Variants in NMNAT1 observed in about 807,000 individuals in gnomAD.
The protein encoded by NMNAT1 is nicotinamide nucleotide adenylyltransferase 1, also known as nicotinamide/nicotinic acid mononucleotide adenylyltransferase 1.
A neutral mutation model predicts 16.7 loss-of-function variants in NMNAT1; 11 were observed. The ratio of observed to expected loss-of-function variants is 0.66; its 90% CI spans 0.41 to 1.09. NMNAT1 has a LOEUF of 1.09. Among genes scored for constraint, NMNAT1 ranks in the 50% least tolerant of loss-of-function variants. The pLI is 0.00. For missense variants in NMNAT1, 280 were observed against 332.3 expected (o/e 0.84, Z 1.22); for synonymous variants, 110 against 119.8 (o/e 0.92, Z 0.53).
chr1:9,945,589 A>G (rs746683539), intron 1 of NMNAT1, among the ~76,000 whole-genome samples: 2 of 152,078 alleles, frequency 1.3e-5, no homozygotes, highest in Non-Finnish European at 2.9e-5. Context: ...AGTTCCAGCT[A>G]CTCGGGAGGC....
chr1:9,985,966 C>G (rs915388981), downstream of NMNAT1, among the ~76,000 whole-genome samples: 8 of 152,140 alleles, frequency 5.3e-5, no homozygotes, highest in African/African-American at 1.9e-4. Flanking sequence ...GGTTTTTGAC[C>G]TGTCATAGTG....
chr1:9,981,140 C>G lies in NMNAT1; in HGVS notation c.409C>G (p.Gln137Glu). 1 of 1,612,900 alleles carries G rather than the reference C, an allele frequency of 6.2e-7. No individual in the cohort carries two copies. The highest frequency in any genetic ancestry group is 8.5e-7 in the Non-Finnish European group (1 of 1,179,666). Reference protein sequence around the residue: ...RKWTETQDSSQKKSLEPKTKA... With the variant: ...RKWTETQDSSEKKSLEPKTKA... ...GTGGACTGAAACACAAGATTCTAGTCAAAAGAAATCCCTAGAGCCAAAAAC... is the reference window on the plus strand; with the variant it reads ...GTGGACTGAAACACAAGATTCTAGTGAAAAGAAATCCCTAGAGCCAAAAAC... Residue 137 changes from glutamine (Q) to glutamate (E), a missense_variant, in exon 4 of 5, where the codon CAA becomes GAA. By Grantham distance (29) the Gln-to-Glu change is conservative. Transcript: ENST00000377205.
chr1:9,975,822 G>A, intron 3 of NMNAT1, 47 bp downstream of exon 3: 2 of 1,445,838 alleles, frequency 1.4e-6, no homozygotes, highest in Non-Finnish European at 1.9e-6. Flanking sequence ...AAATGGCTAA[G>A]CGGCTTATGT....
chr1:9,949,456 C>T (rs1641057211), intron 1 of NMNAT1, among the ~76,000 whole-genome samples: 1 of 132,642 alleles, frequency 7.5e-6, no homozygotes, highest in Non-Finnish European at 1.6e-5. Flanking sequence ...GTCACCCAGG[C>T]TGGAGTGCAG....
chr1:9,964,044 AC>A, intron 1 of NMNAT1, among the ~76,000 whole-genome samples: 1 of 151,762 alleles, frequency 6.6e-6, no homozygotes. Context: ...GGCACCAGCC[AC>A]CACACCTGGC....
chr1:9,982,371 G>A lies in NMNAT1; in HGVS notation c.510G>A (p.Lys170=), dbSNP rs1017111405. The change falls in exon 5 of 5, where the codon AAG becomes AAA. Residue 170 remains lysine (K), a synonymous_variant. Transcript: ENST00000377205. ...CCTTTGCTGTTCCCAATTTGTGGAA[G>A]AGTGAAGACATCACCCAAATCGTGG... ...LESFAVPNLW[K]SEDITQIVAN... is the part of the protein sequence containing the mutation. 10 of 1,614,144 alleles carry A rather than the reference G, an allele frequency of 6.2e-6. No individual in the cohort carries two copies. Among genetic ancestry groups the A allele is most frequent in the Non-Finnish European group, 7.6e-6 (9 of 1,180,038 alleles).
intron 1 of NMNAT1, 36 bp from the exon 2 acceptor site, chr1:9,971,982 A>T: frequency 5.3e-6 from 4 of 759,522 alleles, no homozygotes; most frequent in African/African-American, 1.7e-5. Context: ...GGAAAAAAAA[A>T]TGCATAACTG....
At chr1:9,957,178 TA>T (rs1390129354) in intron 1 of NMNAT1, among the ~76,000 whole-genome samples, 1 of 152,096 alleles carries the variant, frequency 6.6e-6, no homozygotes, top group Non-Finnish European at 1.5e-5. Flanking sequence ...TACAGGAATG[TA>T]CCAGCATGTC....
At chr1:9,948,710 C>T (rs113714734) in intron 1 of NMNAT1, among the ~76,000 whole-genome samples, 1 of 151,028 alleles carries the variant, frequency 6.6e-6, no homozygotes, top group Admixed American at 6.6e-5. Flanking sequence ...AGTGCAATGG[C>T]CCCATCTCAG....
chr1:9,993,536 G>A, the NMNAT1 span, among the ~76,000 whole-genome samples: 1 of 152,108 alleles, frequency 6.6e-6, no homozygotes, highest in Non-Finnish European at 1.5e-5. Context: ...TAAGCAAGGA[G>A]TGAGAAGATC....
At chr1:9,987,823 C>CA (rs1171485786), downstream of NMNAT1, among the ~76,000 whole-genome samples, 1 of 151,086 alleles carries the variant, frequency 6.6e-6, no homozygotes. Flanking sequence ...GACCCTGTTT[C>CA]AAAAAAAATG....
intron 3 of NMNAT1, among the ~76,000 whole-genome samples, chr1:9,979,484 A>C (rs1641887998): frequency 6.6e-6 from 1 of 151,618 alleles, no homozygotes; most frequent in Non-Finnish European, 1.5e-5. Flanking sequence ...AACCAAAAAA[A>C]CCCCAAAACA....
intron 2 of NMNAT1, among the ~76,000 whole-genome samples, chr1:9,974,677 C>T (rs1400076458): frequency 2.0e-5 from 3 of 151,974 alleles, no homozygotes; most frequent in Non-Finnish European, 4.4e-5. Flanking sequence ...AGTGAGCCAC[C>T]GCGCCTGGCC....
At chr1:9,987,152 CA>C (rs754293912), downstream of NMNAT1, among the ~76,000 whole-genome samples, 58 of 149,728 alleles carry the variant, frequency 3.9e-4, no homozygotes, top group Non-Finnish European at 7.7e-4. Context: ...GAGCCCTGAT[CA>C]TGACACTGCA....
the NMNAT1 span, among the ~76,000 whole-genome samples, chr1:9,992,696 G>T: frequency 6.6e-6 from 1 of 151,986 alleles, no homozygotes; most frequent in African/African-American, 2.4e-5. Flanking sequence ...TGGATCACAA[G>T]GTCAGGAGAT....
At chr1:9,962,678 T>TTTTG (rs1641448174) in intron 1 of NMNAT1, among the ~76,000 whole-genome samples, 1 of 4,524 alleles carries the variant, frequency 2.2e-4, no homozygotes, top group African/African-American at 3.1e-4. Flanking sequence ...CAAATAAGGG[T>TTTTG]TTTTTTTTTT....
intron 1 of NMNAT1, among the ~76,000 whole-genome samples, chr1:9,953,949 G>T (rs940990018): frequency 3.3e-5 from 5 of 151,310 alleles, no homozygotes; most frequent in African/African-American, 1.2e-4. Flanking sequence ...GGGACTACAG[G>T]CACGTGCCAT....
At chr1:9,992,557 G>A in the NMNAT1 span, among the ~76,000 whole-genome samples, 1 of 152,084 alleles carries the variant, frequency 6.6e-6, no homozygotes, top group African/African-American at 2.4e-5. Flanking sequence ...CTAAGAGGAT[G>A]AGCAGAGGCC....
chr1:9,943,191 C>T (rs1640852771), upstream of NMNAT1: 2 of 173,376 alleles, frequency 1.2e-5, no homozygotes, highest in African/African-American at 4.7e-5. Context: ...CAACAGGCCC[C>T]AATTGCCACC....
Sources: allele counts gnomAD v4.1 joint callset (sites outside exome capture counted in the v4.1 genomes callset), GRCh38; gene constraint gnomAD v4.1.1; transcripts MANE v1.5; gene names NCBI Gene and HGNC (gene_info 2026-07-23, HGNC 2026-07-21).